POMT2: variants seen among roughly 807,000 people sequenced by gnomAD.
POMT2 encodes protein O-mannosyl-transferase 2.
In POMT2, 75 loss-of-function variants were observed where a neutral mutation model predicts 100.0. The observed-to-expected ratio is 0.75, with a 90% confidence interval of 0.62 to 0.91. The LOEUF (loss-of-function observed/expected upper bound fraction) is 0.91, where lower values mean the gene tolerates loss of function less well. POMT2 is among the 40% of genes least tolerant of loss of function. The pLI, the probability that POMT2 is intolerant of heterozygous loss-of-function variation, is 0.00. For missense variants in POMT2, 940 were observed against 955.1 expected, an observed-to-expected ratio of 0.98 and a Z score of 0.21; for synonymous variants, 378 against 374.1, an observed-to-expected ratio of 1.01 and a Z score of -0.12.
At chr14:77,292,290 T>C (rs2140207032) in intron 9 of POMT2, among the ~76,000 whole-genome samples, 1 of 152,278 alleles carries the variant, frequency 6.6e-6, no homozygotes, top group Non-Finnish European at 1.5e-5. Flanking sequence ...TTTAGCAACA[T>C]GGGAAAAGGC....
In POMT2 at chr14:77,320,825, T is replaced by C. The variant is rs1891871367; in HGVS notation, c.-144A>G. The C allele has an allele frequency of 6.7e-6, 9 of 1,333,344 alleles. No homozygotes were observed. In the Admixed American group the frequency reaches 1.5e-4, roughly 22 times the overall value. The allele number at this position is 1,333,344 out of a possible 1,614,324, so 82.6% of individuals were successfully genotyped here. The stretch of plus-strand genomic sequence containing the variant: ...TGCAGCGGAGCGCGGGGCCCCGGGC[T>C]CGGGGCGGGGCGGGCAGCGTGGTCG... On this transcript the variant is annotated 5_prime_UTR_variant, in exon 1 of 21. Coordinates refer to ENST00000261534, the MANE Select transcript of POMT2 (RefSeq NM_013382.7).
chr14:77,310,936 C>T (rs1320587528), intron 2 of POMT2, among the ~76,000 whole-genome samples: 1 of 152,200 alleles, frequency 6.6e-6, no homozygotes, highest in East Asian at 1.9e-4. Flanking sequence ...GAGTTCAAGA[C>T]CAGCCTGGCC....
chr14:77,285,421 T>G, intron 13 of POMT2, 60 bp downstream of exon 13: 1 of 1,605,452 alleles, frequency 6.2e-7, no homozygotes, highest in East Asian at 2.2e-5. Context: ...GGCATACTCC[T>G]TGTAGAGTGA....
rs549770981 is a variant in POMT2 at position 77,292,757 on chromosome 14, T to C, written c.1117-1377A>G. Reference sequence around the variant, plus strand: ...CCATGTTTAGATATGTTTAAGTTAATACAAATACTTACCATTGTGTTCCAC... The same window carrying C: ...CCATGTTTAGATATGTTTAAGTTAACACAAATACTTACCATTGTGTTCCAC... On this transcript the variant is annotated intron_variant, in intron 9 of 20. Coordinates refer to ENST00000261534, the MANE Select transcript of POMT2 (RefSeq NM_013382.7). 6.6e-5 allele frequency among the ~76,000 whole-genome samples: 10 copies of C among 152,362 alleles called. No individual in the cohort carries two copies. In the East Asian group the frequency reaches 1.9e-3, roughly 29 times the overall value.
At chr14:77,299,644 T>C (rs2139474580) in intron 6 of POMT2, 83 bp from the exon 7 acceptor site, 2 of 1,014,454 alleles carry the variant, frequency 2.0e-6, no homozygotes, top group African/African-American at 1.6e-5. Flanking sequence ...ATATATAGCT[T>C]TTAATATATC....
intron 15 of POMT2, among the ~76,000 whole-genome samples, chr14:77,283,454 C>T (rs1203104519): frequency 1.3e-5 from 2 of 152,204 alleles, no homozygotes; most frequent in African/African-American, 4.8e-5. Context: ...CTGTGTGACC[C>T]TGGGCAAGTT....
intron 5 of POMT2, 87 bp downstream of exon 5, chr14:77,302,747 TG>T: frequency 9.1e-7 from 1 of 1,093,348 alleles, no homozygotes; most frequent in Non-Finnish European, 1.4e-6. Context: ...GACAAGTCTC[TG>T]GGCACCCGCC....
At chr14:77,283,947 C>T in intron 14 of POMT2, 74 bp from the exon 15 acceptor site, 7 of 1,288,326 alleles carry the variant, frequency 5.4e-6, no homozygotes, top group Non-Finnish European at 7.9e-6. Flanking sequence ...TGTCCACATT[C>T]CCACCAGAAT....
In POMT2 at chr14:77,288,821, G is replaced by T; in HGVS notation, c.1194C>A (p.Asp398Glu). 1 of 1,613,832 alleles carries T rather than the reference G, an allele frequency of 6.2e-7. No individual in the cohort carries two copies. Among genetic ancestry groups the T allele is most frequent in the Non-Finnish European group, 8.5e-7 (1 of 1,179,886 alleles). ...KKHNTNSDPL[D>E]PSFPVEFVRH... ...TTACAAACTCCACTGGGAAGGAAGG[G>T]TCTAGGGGATCTGCCAAAAAGAAAC... is the stretch of plus-strand genomic sequence containing the variant. The change falls in exon 11 of 21, where the codon GAC (aspartate) becomes GAA (glutamate). Residue 398 changes from aspartate to glutamate, a missense_variant. Asp to Glu is a conservative substitution (Grantham distance 45). Transcript: ENST00000261534.
chr14:77,293,138 G>C (rs55886156), intron 9 of POMT2, among the ~76,000 whole-genome samples: 2,997 of 152,244 alleles, frequency 0.02, 47 homozygotes, highest in Middle Eastern at 0.071. Flanking sequence ...AAAAGTTTTG[G>C]TGCTCATAAA....
At chr14:77,281,046 A>G (rs1890207714) in intron 15 of POMT2, among the ~76,000 whole-genome samples, 1 of 152,110 alleles carries the variant, frequency 6.6e-6, no homozygotes, top group African/African-American at 2.4e-5. Context: ...GTGAGCTGAG[A>G]TCATGCCATT....
At position 77,301,246 on chromosome 14, in the gene POMT2, G is replaced by A. The variant is rs1377744438; in HGVS notation, c.660C>T (p.Pro220=). 3.1e-6 allele frequency: 5 copies of A among 1,614,038 alleles called. No individual in the cohort carries two copies. The highest frequency in any genetic ancestry group is 4.2e-6 in the Non-Finnish European group (5 of 1,180,026). The change falls in exon 6 of 21, where the codon CCC becomes CCT. Residue 220 remains proline, a synonymous_variant. Coordinates refer to ENST00000261534, the MANE Select transcript of POMT2 (RefSeq NM_013382.7). ...GCCAGAACCACCAGGGGGCAGAGAA[G>A]GGCCTGAAAATCAACAAGACGGAGT... ...MVKYNSCADR[P]FSAPWWFWLS... is the part of the protein sequence containing the mutation.
intron 18 of POMT2, 107 bp downstream of exon 18, chr14:77,279,716 G>T: frequency 9.3e-7 from 1 of 1,073,456 alleles, no homozygotes; most frequent in Non-Finnish European, 1.4e-6. Flanking sequence ...GAAGGTGTGG[G>T]GTGGTAAACG....
intron 6 of POMT2, chr14:77,300,616 T>C: frequency 5.4e-6 from 1 of 185,704 alleles, no homozygotes; most frequent in South Asian, 1.1e-4. Flanking sequence ...GGTCAGGGGT[T>C]TGAGAACAAT....
In POMT2 at chr14:77,298,757, C is replaced by T; in HGVS notation, c.938G>A (p.Gly313Asp). The change falls in exon 8 of 21, where the codon GGT (glycine) becomes GAT (aspartate). Residue 313 changes from glycine (G) to aspartate (D), a missense_variant. Physicochemically the swap from Gly to Asp is moderately conservative, Grantham distance 94. Coordinates refer to ENST00000261534, the MANE Select transcript of POMT2 (RefSeq NM_013382.7). ...MVLSKSGPGD[G>D]FFSSAFQARL... ...GGCCTGGAAGGCAGAACTGAAGAAACCGTCACCAGGGCCACTGTGGGGAGA... is the reference window on the plus strand; with the variant it reads ...GGCCTGGAAGGCAGAACTGAAGAAATCGTCACCAGGGCCACTGTGGGGAGA... The T allele has an allele frequency of 6.2e-7, 1 of 1,613,046 alleles. No individual in the cohort carries two copies. Among genetic ancestry groups the T allele is most frequent in the Non-Finnish European group, 8.5e-7 (1 of 1,179,520 alleles).
intron 4 of POMT2, among the ~76,000 whole-genome samples, chr14:77,304,441 G>A (rs977932873): frequency 6.6e-6 from 1 of 152,124 alleles, no homozygotes; most frequent in African/African-American, 2.4e-5. Context: ...CGTGAATAAC[G>A]TGGAGGTAAA....
chr14:77,306,205 T>G, intron 3 of POMT2, 132 bp downstream of exon 3: 1 of 1,473,130 alleles, frequency 6.8e-7, no homozygotes, highest in Non-Finnish European at 9.2e-7. Context: ...GGTCTGATCA[T>G]CCTCCCCTCT....
chr14:77,297,573 A>G (rs1205979460), intron 8 of POMT2, among the ~76,000 whole-genome samples: 3 of 151,896 alleles, frequency 2.0e-5, no homozygotes, highest in South Asian at 2.1e-4. Flanking sequence ...CTGCTTCCCT[A>G]TTTCTCATTC....
Position 77,296,393 on chromosome 14 carries a change from T to C in POMT2, c.1007-120A>G, listed in dbSNP as rs545365022. ...CCCTCTGCGAGACTCCCCTGGGCCC[T>C]GGACTGAAGCCCAGCTACCTTCTCA... On this transcript the variant is annotated intron_variant, in intron 8 of 20. Coordinates refer to ENST00000261534, the MANE Select transcript of POMT2 (RefSeq NM_013382.7). 310 of 707,636 alleles carry C rather than the reference T, an allele frequency of 4.4e-4. 2 individuals carry two copies. The East Asian group carries it at 4.8e-3, about 11-fold the overall frequency. The allele number at this position is 707,636 out of a possible 1,614,324, so 43.8% of individuals were successfully genotyped here.
Sources: gnomAD v4.1 joint callset for allele counts (sites outside exome capture counted in the v4.1 genomes callset) on GRCh38, gnomAD v4.1.1 for gene constraint, MANE v1.5 for transcripts, NCBI Gene and HGNC (gene_info 2026-07-23, HGNC 2026-07-21) for gene names.